PLXDC2: variants seen among roughly 807,000 people sequenced by gnomAD.
PLXDC2 encodes plexin domain containing 2.
Under a neutral mutation model 68.9 loss-of-function variants are expected in PLXDC2, and 40 were observed. The ratio of observed to expected loss-of-function variants is 0.58; its 90% CI spans 0.45 to 0.76. The LOEUF (loss-of-function observed/expected upper bound fraction) is 0.76. PLXDC2 is among the 30% of genes least tolerant of loss of function. PLXDC2 has a pLI of 0.00. For missense variants in PLXDC2, 644 were observed against 661.9 expected (o/e 0.97, Z 0.30); for synonymous variants, 243 against 234.2 (o/e 1.04, Z -0.34).
intron 4 of PLXDC2, among the ~76,000 whole-genome samples, chr10:20,100,574 G>C (rs1448257392): frequency 6.6e-6 from 1 of 152,126 alleles, no homozygotes; most frequent in Non-Finnish European, 1.5e-5. Context: ...GGTTGCTCTG[G>C]ACATGTCATT....
At chr10:20,093,092 C>T (rs1833301179) in intron 4 of PLXDC2, among the ~76,000 whole-genome samples, 1 of 152,042 alleles carries the variant, frequency 6.6e-6, no homozygotes, top group South Asian at 2.1e-4. Context: ...AATATAATGT[C>T]CATGTTATCA....
intron 1 of PLXDC2, among the ~76,000 whole-genome samples, chr10:19,886,172 T>C (rs977478429): frequency 3.9e-5 from 6 of 152,182 alleles, no homozygotes; most frequent in Non-Finnish European, 8.8e-5. Context: ...TATTGGTGTA[T>C]AGGAATGCTT....
At chr10:20,212,878 A>G (rs1835087581) in intron 10 of PLXDC2, among the ~76,000 whole-genome samples, 1 of 152,100 alleles carries the variant, frequency 6.6e-6, no homozygotes, top group Non-Finnish European at 1.5e-5. Context: ...TTGTGTTTTG[A>G]GACAATCATT....
At chr10:19,982,345 C>G (rs954924625) in intron 1 of PLXDC2, among the ~76,000 whole-genome samples, 19 of 152,172 alleles carry the variant, frequency 1.2e-4, no homozygotes, top group Non-Finnish European at 1.5e-5. Flanking sequence ...TTCTGTGAGT[C>G]TTTGTCTATT....
chr10:20,250,864 T>G (rs1170641712), intron 13 of PLXDC2, among the ~76,000 whole-genome samples: 2 of 152,232 alleles, frequency 1.3e-5, no homozygotes, highest in African/African-American at 2.4e-5. Flanking sequence ...TTAGTGATGA[T>G]AATGTCAGTG....
chr10:20,153,648 G>A (rs945194098), intron 6 of PLXDC2, among the ~76,000 whole-genome samples: 4 of 152,004 alleles, frequency 2.6e-5, no homozygotes, highest in Admixed American at 6.6e-5. Context: ...GTCAAGCACC[G>A]ACCTAAGCAT....
At chr10:19,839,092 A>G (rs1323170555) in intron 1 of PLXDC2, among the ~76,000 whole-genome samples, 4 of 151,868 alleles carry the variant, frequency 2.6e-5, no homozygotes, top group Non-Finnish European at 5.9e-5. Context: ...ACACTGAGGC[A>G]GGAGAATCCC....
chr10:20,082,775 C>T (rs537168112), intron 4 of PLXDC2, among the ~76,000 whole-genome samples: 39 of 152,238 alleles, frequency 2.6e-4, no homozygotes, highest in African/African-American at 6.7e-4. Context: ...AACCACCTAA[C>T]GCCCATCACT....
At chr10:20,119,141 G>C (rs754043643) in intron 4 of PLXDC2, among the ~76,000 whole-genome samples, 2 of 152,040 alleles carry the variant, frequency 1.3e-5, no homozygotes, top group Admixed American at 6.6e-5. Context: ...ATCAAGTAAC[G>C]AACATGTAAG....
chr10:19,985,524 G>T (rs1834620887), intron 1 of PLXDC2, among the ~76,000 whole-genome samples: 1 of 152,140 alleles, frequency 6.6e-6, no homozygotes, highest in South Asian at 2.1e-4. Context: ...TACATGAAAT[G>T]GGGAATTAAC....
intron 1 of PLXDC2, among the ~76,000 whole-genome samples, chr10:19,967,557 A>G (rs555417436): frequency 7.0e-4 from 107 of 152,310 alleles, no homozygotes; most frequent in African/African-American, 2.5e-3. Flanking sequence ...CAATTATAAT[A>G]ATAAGTATAA....
At chr10:20,123,370 C>T (rs1024819141) in intron 4 of PLXDC2, among the ~76,000 whole-genome samples, 4 of 152,110 alleles carry the variant, frequency 2.6e-5, no homozygotes, top group Middle Eastern at 3.4e-3. Flanking sequence ...AGAGAGGGAC[C>T]GATGTGTAAA....
chr10:20,201,837 A>G (rs1267831861), intron 9 of PLXDC2, among the ~76,000 whole-genome samples: 1 of 152,136 alleles, frequency 6.6e-6, no homozygotes, highest in African/African-American at 2.4e-5. Flanking sequence ...AAAGCAAGCT[A>G]TTACATGTTG....
intron 4 of PLXDC2, among the ~76,000 whole-genome samples, chr10:20,123,626 G>A (rs1300750142): frequency 6.6e-6 from 1 of 151,600 alleles, no homozygotes; most frequent in African/African-American, 2.4e-5. Flanking sequence ...AGGAATGGAG[G>A]GTGGAAGGTT....
At chr10:19,913,382 A>G (rs951968329) in intron 1 of PLXDC2, among the ~76,000 whole-genome samples, 1 of 152,034 alleles carries the variant, frequency 6.6e-6, no homozygotes, top group African/African-American at 2.4e-5. Flanking sequence ...TGCTTCCTGT[A>G]CAGCCTGTGG....
chr10:19,883,798 C>T (rs1247917404), intron 1 of PLXDC2, among the ~76,000 whole-genome samples: 3 of 150,904 alleles, frequency 2.0e-5, no homozygotes, highest in African/African-American at 7.3e-5. Context: ...AGTGTTCCCC[C>T]ACCTCCGTAC....
intron 1 of PLXDC2, among the ~76,000 whole-genome samples, chr10:19,834,754 CA>C (rs1836759806): frequency 6.6e-6 from 1 of 152,182 alleles, no homozygotes; most frequent in African/African-American, 2.4e-5. Context: ...ATTCACTATA[CA>C]AACATTTGCT....
intron 4 of PLXDC2, among the ~76,000 whole-genome samples, chr10:20,089,996 G>C (rs1833255123): frequency 6.6e-6 from 1 of 152,100 alleles, no homozygotes; most frequent in East Asian, 1.9e-4. Flanking sequence ...GGGCACCCTG[G>C]TAAACCATGG....
chr10:20,228,829 T>C (rs1835321849), intron 12 of PLXDC2, among the ~76,000 whole-genome samples: 1 of 151,922 alleles, frequency 6.6e-6, no homozygotes. Flanking sequence ...AAGGAGGAAG[T>C]AGTGAACAGT....
Sources: allele counts gnomAD v4.1 joint callset (sites outside exome capture counted in the v4.1 genomes callset), GRCh38; gene constraint gnomAD v4.1.1; transcripts MANE v1.5; gene names NCBI Gene and HGNC (gene_info 2026-07-23, HGNC 2026-07-21).